The following TBC1D22A variants were observed in gnomAD, a reference collection of about 807,000 sequenced individuals.
TBC1D22A encodes TBC1 domain family member 22A.
A neutral mutation model predicts 60.2 loss-of-function variants in TBC1D22A; 38 were observed. The observed-to-expected ratio is 0.63, with a 90% confidence interval of 0.49 to 0.83. TBC1D22A has a LOEUF of 0.83. TBC1D22A is among the 40% of genes least tolerant of loss of function. The pLI, the probability that TBC1D22A is intolerant of heterozygous loss-of-function variation, is 0.00. For synonymous variants in TBC1D22A, 302 were observed against 281.7 expected, an observed-to-expected ratio of 1.07 and a Z score of -0.72; for missense variants, 628 against 701.0, an observed-to-expected ratio of 0.90 and a Z score of 1.18.
intron 12 of TBC1D22A, among the ~76,000 whole-genome samples, chr22:47,163,659 C>T (rs2068083457): frequency 6.6e-6 from 1 of 152,198 alleles, no homozygotes; most frequent in Non-Finnish European, 1.5e-5. Context: ...AAGGAAAGCA[C>T]AGGCCTCTGT....
chr22:46,774,131 G>A (rs2083601181), intron 1 of TBC1D22A: 8 of 985,672 alleles, frequency 8.1e-6, no homozygotes, highest in Non-Finnish European at 9.6e-6. Context: ...TGCTGGGCCT[G>A]CCTGCCCTTG....
chr22:46,818,142 A>G (rs2085679941), intron 4 of TBC1D22A, among the ~76,000 whole-genome samples: 1 of 152,166 alleles, frequency 6.6e-6, no homozygotes, highest in African/African-American at 2.4e-5. Context: ...TAGATTCTGG[A>G]TATTAGACCT....
chr22:47,012,303 G>A (rs538086050), intron 10 of TBC1D22A, among the ~76,000 whole-genome samples: 5 of 152,262 alleles, frequency 3.3e-5, no homozygotes, highest in African/African-American at 9.6e-5. Context: ...GAGTCAGAGG[G>A]TCCTGGGGCT....
At chr22:46,863,574 C>G (rs1456710564) in intron 4 of TBC1D22A, among the ~76,000 whole-genome samples, 1 of 152,152 alleles carries the variant, frequency 6.6e-6, no homozygotes, top group Non-Finnish European at 1.5e-5. Flanking sequence ...AGTATTTAAC[C>G]TTGTCATTTG....
chr22:47,051,139 G>A (rs2148442831), intron 11 of TBC1D22A, among the ~76,000 whole-genome samples: 1 of 152,192 alleles, frequency 6.6e-6, no homozygotes, highest in South Asian at 2.1e-4. Context: ...CTCCCTCGGG[G>A]CTGTAGATTG....
intron 4 of TBC1D22A, among the ~76,000 whole-genome samples, chr22:46,838,501 G>T (rs775767088): frequency 1.9e-4 from 29 of 152,106 alleles, no homozygotes; most frequent in Admixed American, 4.6e-4. Flanking sequence ...ATGAATGTCA[G>T]TTCTTCTCAA....
chr22:47,153,784 G>A lies in TBC1D22A; in HGVS notation c.1426-19714G>A, dbSNP rs116561081. 8.7e-3 allele frequency among the ~76,000 whole-genome samples: 1,322 copies of A among 152,310 alleles called. 17 individuals carry two copies. Among genetic ancestry groups the A allele is most frequent in the African/African-American group, 0.03 (1,229 of 41,562 alleles). On this transcript the variant is annotated intron_variant, in intron 12 of 12. Coordinates refer to ENST00000337137, the MANE Select transcript of TBC1D22A (RefSeq NM_014346.5). ...GGAGAAGAAACTGGGGACGATGTCT[G>A]CATTTGTTTATTGGGTGACTGGCCG...
chr22:46,929,139 C>T (rs1372641408), intron 8 of TBC1D22A, among the ~76,000 whole-genome samples: 1 of 152,190 alleles, frequency 6.6e-6, no homozygotes, highest in Non-Finnish European at 1.5e-5. Flanking sequence ...AAAGTGGAAG[C>T]TCATTATCCC....
chr22:46,802,132 C>T (rs935805664), intron 4 of TBC1D22A, among the ~76,000 whole-genome samples: 12 of 152,192 alleles, frequency 7.9e-5, no homozygotes, highest in African/African-American at 4.8e-5. Context: ...GCAGGGTCCT[C>T]GTGAAGGTCA....
chr22:47,157,116 C>T (rs2067752843), intron 12 of TBC1D22A, among the ~76,000 whole-genome samples: 1 of 152,206 alleles, frequency 6.6e-6, no homozygotes, highest in African/African-American at 2.4e-5. Context: ...AAGGCGCCTC[C>T]TGTGGGGGTG....
intron 11 of TBC1D22A, among the ~76,000 whole-genome samples, chr22:47,083,564 G>A (rs866302336): frequency 1.3e-5 from 2 of 152,178 alleles, no homozygotes; most frequent in South Asian, 2.1e-4. Flanking sequence ...CTCAGAGGGC[G>A]CCGTCCTCAG....
intron 1 of TBC1D22A, among the ~76,000 whole-genome samples, chr22:46,772,148 T>C (rs1329365766): frequency 0.018 from 164 of 8,950 alleles, 7 homozygotes; most frequent in African/African-American, 0.052. Flanking sequence ...TATACACACA[T>C]ATACATATAT....
intron 11 of TBC1D22A, among the ~76,000 whole-genome samples, chr22:47,061,080 A>G (rs1385069490): frequency 1.3e-5 from 2 of 150,876 alleles, no homozygotes; most frequent in East Asian, 3.9e-4. Flanking sequence ...ACGGTCCTGG[A>G]AAGGTTGAGC....
At chr22:46,771,075 T>C (rs2083464971) in intron 1 of TBC1D22A, among the ~76,000 whole-genome samples, 5 of 152,204 alleles carry the variant, frequency 3.3e-5, no homozygotes, top group South Asian at 4.1e-4. Context: ...GAAAAATAAA[T>C]TGAATGTGAA....
At chr22:47,109,090 T>A (rs949923332) in intron 11 of TBC1D22A, among the ~76,000 whole-genome samples, 3 of 152,238 alleles carry the variant, frequency 2.0e-5, no homozygotes, top group Non-Finnish European at 2.9e-5. Context: ...TTTAGTCATA[T>A]TAGACTCCTT....
intron 10 of TBC1D22A, among the ~76,000 whole-genome samples, chr22:47,016,108 A>T (rs1443445059): frequency 6.6e-6 from 1 of 152,198 alleles, no homozygotes; most frequent in East Asian, 1.9e-4. Context: ...CTGTGAGTCC[A>T]GCCCTCCAGT....
In TBC1D22A at chr22:47,028,633, T is replaced by A. The variant is rs936499108; in HGVS notation, c.1202-8438T>A. ...TCTGTCTCGCCTGCCTGTGCATACT[T>A]AGCTGTGTCTTGGGTCTGACCTGTC... On this transcript the variant is annotated intron_variant, in intron 10 of 12. Transcript: ENST00000337137. The surrounding 1 kb of genome is among the most constrained non-coding windows in gnomAD (Gnocchi z 4.4). Among the ~76,000 whole-genome samples, 1 of 152,196 alleles carries A rather than the reference T, an allele frequency of 6.6e-6. No individual in the cohort carries two copies. Among genetic ancestry groups the A allele is most frequent in the Non-Finnish European group, 1.5e-5 (1 of 68,032 alleles).
intron 8 of TBC1D22A, among the ~76,000 whole-genome samples, chr22:46,936,218 C>T (rs921384676): frequency 7.2e-5 from 11 of 152,184 alleles, no homozygotes; most frequent in Non-Finnish European, 1.0e-4. Context: ...GTTGCCTTTG[C>T]GCTGTGATTG....
intron 8 of TBC1D22A, among the ~76,000 whole-genome samples, chr22:46,948,881 C>T (rs943088489): frequency 3.9e-5 from 6 of 152,160 alleles, no homozygotes; most frequent in South Asian, 2.1e-4. Context: ...CGGAGAGGCC[C>T]GTCACACACA....
Sources: gnomAD v4.1 joint callset for allele counts (sites outside exome capture counted in the v4.1 genomes callset) on GRCh38, gnomAD v4.1.1 for gene constraint, Gnocchi (gnomAD v3.1) non-coding constraint, MANE v1.5 for transcripts, NCBI Gene and HGNC (gene_info 2026-07-23, HGNC 2026-07-21) for gene names.